The following STAG2 variants were observed in gnomAD, a reference collection of about 807,000 sequenced individuals.
STAG2 encodes cohesin subunit SA-2.
In STAG2, 14 loss-of-function variants were observed where a neutral mutation model predicts 108.1. The ratio of observed to expected loss-of-function variants is 0.13; its 90% confidence interval spans 0.09 to 0.20. The LOEUF (loss-of-function observed/expected upper bound fraction) is 0.20. Ranked by LOEUF, STAG2 falls within the 10% of genes least tolerant of loss-of-function variation. STAG2 has a pLI of 1.00. For missense variants in STAG2, 440 were observed against 940.9 expected, an observed-to-expected ratio of 0.47 and a Z score of 6.96; for synonymous variants, 307 against 302.7, an observed-to-expected ratio of 1.01 and a Z score of -0.15.
rs192462029 is a variant in STAG2 at position 124,052,424 on chromosome X, C to T, written c.1196+1030C>T. On this transcript the variant is annotated intron_variant, in intron 13 of 34. Transcript: ENST00000371145. ...TCTAGATATTTCGTATAAGTGGAAT[C>T]ATACAATATTTGTTTTTTGCATCTG... 2.3e-4 allele frequency among the ~76,000 whole-genome samples: 26 copies of T among 112,355 alleles called. No homozygotes were observed. In the East Asian group the frequency reaches 5.0e-3, roughly 22 times the overall value.
intron 20 of STAG2, among the ~76,000 whole-genome samples, chrX:124,064,636 GT>G (rs2058472089): frequency 9.1e-6 from 1 of 110,308 alleles, no homozygotes; most frequent in Admixed American, 9.7e-5. Flanking sequence ...TAGAGATGGG[GT>G]TTCACCACAT....
chrX:124,051,655 A>T (rs926216397), intron 13 of STAG2, among the ~76,000 whole-genome samples: 2 of 108,173 alleles, frequency 1.8e-5, no homozygotes, highest in African/African-American at 6.8e-5. Flanking sequence ...CAGTGGTACG[A>T]TCTCAGCTCA....
intron 5 of STAG2, among the ~76,000 whole-genome samples, chrX:124,034,421 T>C (rs1448140090): frequency 1.8e-5 from 2 of 112,044 alleles, no homozygotes; most frequent in African/African-American, 6.5e-5. Flanking sequence ...TCAACAATTT[T>C]ATTTTGTTAT....
intron 24 of STAG2, among the ~76,000 whole-genome samples, chrX:124,070,777 T>C (rs1211586607): frequency 9.0e-6 from 1 of 111,526 alleles, no homozygotes; most frequent in Non-Finnish European, 1.9e-5. Flanking sequence ...AATGAATACC[T>C]TGGGGCATTG....
chrX:124,007,261 C>T (rs2056338288), intron 1 of STAG2, among the ~76,000 whole-genome samples: 1 of 110,196 alleles, frequency 9.1e-6, no homozygotes, highest in African/African-American at 3.3e-5. Context: ...AAGCGATCCC[C>T]CCACCTTGGC....
At chrX:124,065,581 A>T (rs2058503245) in intron 20 of STAG2, among the ~76,000 whole-genome samples, 1 of 111,504 alleles carries the variant, frequency 9.0e-6, no homozygotes, top group Non-Finnish European at 1.9e-5. Context: ...GTCCTAGTGC[A>T]TTTATTACTG....
intron 1 of STAG2, among the ~76,000 whole-genome samples, chrX:124,001,569 A>AT (rs1275461748): frequency 9.0e-6 from 1 of 111,028 alleles, no homozygotes; most frequent in Non-Finnish European, 1.9e-5. Flanking sequence ...CAGGTATACC[A>AT]TTTTTTATCT....
chrX:124,060,018 ATT>A (rs922630446), intron 15 of STAG2, among the ~76,000 whole-genome samples: 1 of 111,361 alleles, frequency 9.0e-6, no homozygotes, highest in African/African-American at 3.3e-5. Flanking sequence ...TTAGATTTAG[ATT>A]TTTTATTATT....
intron 26 of STAG2, 38 bp downstream of exon 26, chrX:124,076,509 T>C (rs771198209): frequency 9.1e-7 from 1 of 1,101,603 alleles, no homozygotes; most frequent in East Asian, 3.2e-5. Flanking sequence ...AGTTTTAAAA[T>C]GCAACGCTAG....
intron 10 of STAG2, among the ~76,000 whole-genome samples, 170 bp downstream of exon 10, chrX:124,049,248 G>A (rs781319490): frequency 1.8e-5 from 2 of 111,757 alleles, no homozygotes; most frequent in East Asian, 5.6e-4. Flanking sequence ...TTTAACTCAT[G>A]TGAGTTTGGT....
intron 9 of STAG2, among the ~76,000 whole-genome samples, chrX:124,047,809 G>A (rs2057918041): frequency 9.0e-6 from 1 of 111,598 alleles, no homozygotes; most frequent in African/African-American, 3.3e-5. Context: ...TTGTCAGGAT[G>A]AAAAGAGATT....
intron 5 of STAG2, 101 bp downstream of exon 5, chrX:124,031,226 C>T: frequency 2.3e-6 from 2 of 872,777 alleles, no homozygotes; most frequent in Non-Finnish European, 3.0e-6. Context: ...TTTAAACATA[C>T]ACTACTTATT....
intron 1 of STAG2, among the ~76,000 whole-genome samples, chrX:124,012,076 T>C (rs990389049): frequency 1.3e-4 from 14 of 111,963 alleles, no homozygotes; most frequent in African/African-American, 4.5e-4. Context: ...CTTCATTCTG[T>C]TGATGTCCTG....
intron 5 of STAG2, among the ~76,000 whole-genome samples, chrX:124,034,320 T>A (rs926250138): frequency 4.5e-5 from 5 of 111,854 alleles, no homozygotes; most frequent in African/African-American, 1.3e-4. Context: ...GCACATGCCA[T>A]TGTGCCTAGC....
intron 1 of STAG2, among the ~76,000 whole-genome samples, chrX:124,010,020 A>G (rs2056468510): frequency 9.0e-6 from 1 of 111,527 alleles, no homozygotes; most frequent in Non-Finnish European, 1.9e-5. Context: ...GGTATGTGGT[A>G]TGCTTGTTTA....
chrX:123,975,289 T>C (rs1431347131), intron 1 of STAG2, among the ~76,000 whole-genome samples: 9 of 112,184 alleles, frequency 8.0e-5, no homozygotes, highest in Non-Finnish European at 1.7e-4. Flanking sequence ...CTTTGGGATA[T>C]GTCCCTCCCT....
Position 124,081,425 on chromosome X carries a change from T to A in STAG2, c.2821T>A (p.Ser941Thr). ...IQENGYNFDR[S>T]SSTFSGIKEL... The stretch of plus-strand genomic sequence containing the variant: ...AGAAAATGGCTATAATTTTGATAGA[T>A]CATCCTCTACATTTAGTGGCATAAA... The change falls in exon 28 of 35, where the codon TCA becomes ACA. Residue 941 changes from serine to threonine, a missense_variant. By Grantham distance (58) the Ser-to-Thr change is moderately conservative (BLOSUM62 1). This residue lies in a region of STAG2 where 337 missense variants were observed against 649.3 expected (regional missense o/e 0.52). Coordinates refer to ENST00000371145, the MANE Select transcript of STAG2 (RefSeq NM_001042750.2). 8.5e-7 allele frequency: 1 copy of A among 1,177,980 alleles called. No individual in the cohort carries two copies. Among genetic ancestry groups the A allele is most frequent in the African/African-American group, 1.8e-5 (1 of 56,882 alleles).
chrX:124,001,291 C>T (rs1442782876), intron 1 of STAG2, among the ~76,000 whole-genome samples: 5 of 111,077 alleles, frequency 4.5e-5, no homozygotes, highest in East Asian at 2.8e-4. Flanking sequence ...GGGGTTTCAC[C>T]GTGTTAGCCA....
chrX:124,038,917 T>A (rs2057606806), intron 6 of STAG2, among the ~76,000 whole-genome samples: 1 of 111,007 alleles, frequency 9.0e-6, no homozygotes, highest in South Asian at 3.7e-4. Context: ...CCAGATTGAC[T>A]GTTTAAAGAT....
Sources: gnomAD v4.1 joint callset for allele counts (sites outside exome capture counted in the v4.1 genomes callset) on GRCh38, gnomAD v4.1.1 for gene constraint, gnomAD v4.1.1 regional missense constraint, MANE v1.5 for transcripts, NCBI Gene and HGNC (gene_info 2026-07-23, HGNC 2026-07-21) for gene names.